The following THRB variants were observed in gnomAD, a reference collection of about 807,000 sequenced individuals.
THRB encodes the protein thyroid hormone receptor beta.
THRB carries 12 observed loss-of-function variants against 47.8 expected under a neutral mutation model. The observed-to-expected ratio is 0.25, with a 90% CI of 0.16 to 0.41. The LOEUF (loss-of-function observed/expected upper bound fraction) is 0.41. THRB is among the 10% of genes least tolerant of loss of function. The pLI is 1.00. For missense variants in THRB, 348 were observed against 589.2 expected, an observed-to-expected ratio of 0.59 and a Z score of 4.24; for synonymous variants, 218 against 212.2, an observed-to-expected ratio of 1.03 and a Z score of -0.24.
chr3:24,148,418 C>G lies in THRB; in HGVS notation c.385-1596G>C, dbSNP rs189547388. Among the ~76,000 whole-genome samples the G allele has an allele frequency of 5.2e-3, 795 of 152,072 alleles. 12 individuals are homozygous for G. The highest frequency in any genetic ancestry group is 0.019 in the African/African-American group (768 of 41,480). On this transcript the variant is annotated intron_variant, in intron 6 of 10. Transcript: ENST00000646209. ...CTGGGATTATAGGCGTGAGCCACCA[C>G]GCCTGGCTAATTTTTGTATTTTTAG... is the stretch of plus-strand genomic sequence containing the variant.
chr3:24,366,753 TG>T (rs1209990539), intron 1 of THRB, among the ~76,000 whole-genome samples: 1 of 151,748 alleles, frequency 6.6e-6, no homozygotes, highest in Non-Finnish European at 1.5e-5. Flanking sequence ...CCCGAGAAGC[TG>T]GGATTACAGG....
intron 4 of THRB, among the ~76,000 whole-genome samples, chr3:24,226,885 A>C (rs2047706485): frequency 1.3e-5 from 2 of 152,230 alleles, no homozygotes; most frequent in Non-Finnish European, 2.9e-5. Flanking sequence ...GAATTGAGTA[A>C]TTATGACAGA....
At chr3:24,133,695 A>AAGGG (rs1553613241) in intron 8 of THRB, among the ~76,000 whole-genome samples, 2 of 150,262 alleles carry the variant, frequency 1.3e-5, no homozygotes, top group Non-Finnish European at 3.0e-5. Flanking sequence ...TTGCTGCAGA[A>AAGGG]AGAGAGAGAG....
intron 1 of THRB, among the ~76,000 whole-genome samples, chr3:24,415,774 T>C (rs2068683986): frequency 6.6e-6 from 1 of 151,860 alleles, no homozygotes; most frequent in Non-Finnish European, 1.5e-5. Context: ...CAAACATTAT[T>C]CAAGTATCTT....
At chr3:24,361,579 C>T (rs546711697) in intron 1 of THRB, among the ~76,000 whole-genome samples, 1 of 152,188 alleles carries the variant, frequency 6.6e-6, no homozygotes, top group African/African-American at 2.4e-5. Context: ...CTGAGCACCA[C>T]TCAGTGATTA....
chr3:24,345,373 C>A (rs1344732261), intron 1 of THRB, among the ~76,000 whole-genome samples: 1 of 152,042 alleles, frequency 6.6e-6, no homozygotes, highest in African/African-American at 2.4e-5. Flanking sequence ...ATAGCAGAAT[C>A]TGGGGATTGA....
intron 1 of THRB, among the ~76,000 whole-genome samples, chr3:24,341,291 G>A (rs930032005): frequency 2.1e-5 from 3 of 145,310 alleles, no homozygotes; most frequent in African/African-American, 5.2e-5. Flanking sequence ...GAGTGCAGTG[G>A]TACAATCTTG....
intron 2 of THRB, among the ~76,000 whole-genome samples, chr3:24,302,938 T>C (rs1045910799): frequency 5.3e-5 from 8 of 152,246 alleles, no homozygotes; most frequent in Non-Finnish European, 8.8e-5. Context: ...TCTACATTTA[T>C]TTTTTAGTCC....
chr3:24,393,434 G>A (rs2066727840), intron 1 of THRB, among the ~76,000 whole-genome samples: 1 of 152,214 alleles, frequency 6.6e-6, no homozygotes, highest in South Asian at 2.1e-4. Flanking sequence ...AAAAGTAGCT[G>A]AGGGGAGTTT....
At chr3:24,221,650 T>C (rs2047173750) in intron 4 of THRB, among the ~76,000 whole-genome samples, 1 of 151,656 alleles carries the variant, frequency 6.6e-6, no homozygotes, top group Non-Finnish European at 1.5e-5. Flanking sequence ...TGAGAAAGAA[T>C]TTTTTTTTCA....
intron 1 of THRB, among the ~76,000 whole-genome samples, chr3:24,376,517 C>T (rs1455555536): frequency 1.3e-5 from 2 of 152,082 alleles, no homozygotes; most frequent in African/African-American, 4.8e-5. Flanking sequence ...ATATGTGAGA[C>T]CTACCCCAAA....
intron 1 of THRB, among the ~76,000 whole-genome samples, chr3:24,349,565 C>T (rs963598300): frequency 3.3e-5 from 5 of 152,088 alleles, no homozygotes; most frequent in African/African-American, 1.2e-4. Flanking sequence ...CATCATTAAT[C>T]ATTAAAGGTG....
At chr3:24,308,111 T>C (rs1043676909) in intron 2 of THRB, among the ~76,000 whole-genome samples, 4 of 152,146 alleles carry the variant, frequency 2.6e-5, no homozygotes, top group Non-Finnish European at 5.9e-5. Context: ...CCATGGCACA[T>C]GTTTACCTAT....
intron 1 of THRB, among the ~76,000 whole-genome samples, chr3:24,369,237 A>T (rs997723199): frequency 6.6e-6 from 1 of 152,280 alleles, no homozygotes; most frequent in East Asian, 1.9e-4. Context: ...GGGGGAAACT[A>T]ACATCATATC....
At chr3:24,442,871 T>C (rs542943723) in intron 1 of THRB, among the ~76,000 whole-genome samples, 2 of 145,890 alleles carry the variant, frequency 1.4e-5, no homozygotes, top group African/African-American at 5.1e-5. Flanking sequence ...TAAGGAATAA[T>C]AACTACAAGA....
intron 4 of THRB, among the ~76,000 whole-genome samples, chr3:24,206,663 T>C (rs1333630292): frequency 3.3e-5 from 5 of 152,052 alleles, no homozygotes; most frequent in Non-Finnish European, 7.4e-5. Flanking sequence ...AGAGCAGAAC[T>C]GAAGGAGATA....
At chr3:24,190,938 G>A (rs888261272) in intron 4 of THRB, among the ~76,000 whole-genome samples, 1 of 151,804 alleles carries the variant, frequency 6.6e-6, no homozygotes, top group South Asian at 2.1e-4. Context: ...AAGGGCTTCA[G>A]TAGAGTCCCA....
intron 1 of THRB, among the ~76,000 whole-genome samples, chr3:24,429,807 C>G (rs2150371425): frequency 6.6e-6 from 1 of 152,114 alleles, no homozygotes; most frequent in Middle Eastern, 3.4e-3. Flanking sequence ...AGCCACTGTG[C>G]CCGGACTCAG....
At chr3:24,184,238 C>T (rs1420184932) in intron 5 of THRB, among the ~76,000 whole-genome samples, 1 of 152,236 alleles carries the variant, frequency 6.6e-6, no homozygotes, top group Non-Finnish European at 1.5e-5. Flanking sequence ...AGTGGACAGA[C>T]ATTTAGATCG....
Sources: gnomAD v4.1 joint callset for allele counts (sites outside exome capture counted in the v4.1 genomes callset) on GRCh38, gnomAD v4.1.1 for gene constraint, MANE v1.5 for transcripts, NCBI Gene and HGNC (gene_info 2026-07-23, HGNC 2026-07-21) for gene names.